C17orf67: variants seen among roughly 807,000 people sequenced by gnomAD.
The protein encoded by C17orf67 is uncharacterized protein C17orf67.
Under a neutral mutation model 11.2 loss-of-function variants are expected in C17orf67, and 12 were observed. The ratio of observed to expected loss-of-function variants is 1.07; its 90% CI spans 0.68 to 1.73. The LOEUF is 1.73. C17orf67 is among the 40% of genes most tolerant of loss of function. C17orf67 has a pLI of 0.00. For synonymous variants in C17orf67, 59 were observed against 46.9 expected (o/e 1.26, Z -1.05); for missense variants, 115 against 113.5 (o/e 1.01, Z -0.06).
intron 5 of C17orf67, 27 bp downstream of exon 5, chr17:56,815,729 T>C (rs371800224): frequency 1.8e-5 from 29 of 1,577,240 alleles, no homozygotes; most frequent in African/African-American, 1.7e-4. Context: ...AGCATAGAAA[T>C]AGGCTGTTTT....
chr17:56,832,198 G>A (rs766277696), intron 2 of C17orf67, among the ~76,000 whole-genome samples: 9 of 152,004 alleles, frequency 5.9e-5, no homozygotes, highest in East Asian at 1.9e-4. Context: ...CACCTGCCTC[G>A]GCCTCCCAAA....
intron 4 of C17orf67, among the ~76,000 whole-genome samples, chr17:56,822,039 G>C (rs1905916500): frequency 6.6e-6 from 1 of 152,202 alleles, no homozygotes; most frequent in Admixed American, 6.5e-5. Context: ...CAGATCTGTA[G>C]CTTAAAAGAG....
At chr17:56,817,946 T>G (rs1318476419) in intron 4 of C17orf67, among the ~76,000 whole-genome samples, 2 of 151,792 alleles carry the variant, frequency 1.3e-5, no homozygotes, top group Admixed American at 1.3e-4. Flanking sequence ...CAGGCTTAAG[T>G]GATCTTCCTA....
At chr17:56,820,471 A>G (rs1030147702) in intron 4 of C17orf67, among the ~76,000 whole-genome samples, 10 of 152,140 alleles carry the variant, frequency 6.6e-5, no homozygotes, top group Non-Finnish European at 1.3e-4. Flanking sequence ...GGGACAATTC[A>G]GACACACCAA....
chr17:56,825,927 A>G (rs560312837), intron 2 of C17orf67, among the ~76,000 whole-genome samples: 2 of 147,244 alleles, frequency 1.4e-5, no homozygotes, highest in Non-Finnish European at 3.0e-5. Flanking sequence ...TATAATGGGG[A>G]TTGGGGGAAA....
chr17:56,830,975 T>C (rs1230288016), intron 2 of C17orf67, among the ~76,000 whole-genome samples: 1 of 152,194 alleles, frequency 6.6e-6, no homozygotes, highest in East Asian at 1.9e-4. Flanking sequence ...GTGAGGACCA[T>C]GCAGAGGCCA....
intron 6 of C17orf67, among the ~76,000 whole-genome samples, chr17:56,814,405 A>G (rs1905704053): frequency 6.6e-6 from 1 of 152,216 alleles, no homozygotes; most frequent in African/African-American, 2.4e-5. Context: ...AAGTAAGGCC[A>G]GAGACCAAAA....
intron 7 of C17orf67, among the ~76,000 whole-genome samples, chr17:56,793,070 A>G (rs898171041): frequency 8.6e-5 from 13 of 151,892 alleles, no homozygotes; most frequent in Non-Finnish European, 1.9e-4. Flanking sequence ...ACTAAGGAAG[A>G]GGACGAGTAG....
chr17:56,818,223 C>A (rs1035181348), intron 4 of C17orf67, among the ~76,000 whole-genome samples: 67 of 151,360 alleles, frequency 4.4e-4, no homozygotes, highest in Non-Finnish European at 8.2e-4. Context: ...TGTGTATATT[C>A]AAATTTTTCA....
chr17:56,803,979 G>A (rs1483370895), intron 6 of C17orf67: 1 of 152,212 alleles, frequency 6.6e-6, no homozygotes, highest in Non-Finnish European at 1.5e-5. Context: ...TGCACTGGCT[G>A]AGTTAGAAAT....
At chr17:56,827,706 C>G (rs546187752) in intron 2 of C17orf67, among the ~76,000 whole-genome samples, 1 of 152,348 alleles carries the variant, frequency 6.6e-6, no homozygotes, top group African/African-American at 2.4e-5. Context: ...GGGGCTGCCG[C>G]CCCATGACCC....
intron 6 of C17orf67, among the ~76,000 whole-genome samples, chr17:56,807,687 T>C (rs895896065): frequency 1.3e-5 from 2 of 152,132 alleles, no homozygotes; most frequent in African/African-American, 4.8e-5. Context: ...AGCCTGATCT[T>C]CATTAATTTC....
rs1258817883 is a variant in C17orf67, at chr17:56,815,885, C to T, written c.-75G>A. The stretch of plus-strand genomic sequence containing the variant: ...TCAGCCAACTTGAAGGAAGCCATGC[C>T]AGGCCCTGCGCTTGTTTATGCTTTG... On this transcript the variant is annotated 5_prime_UTR_variant, in exon 5 of 8. It introduces an in-frame stop codon into an upstream open reading frame of the 5' UTR. Coordinates refer to ENST00000397861, the MANE Select transcript of C17orf67 (RefSeq NM_001085430.4). The T allele has an allele frequency of 1.2e-6, 2 of 1,607,010 alleles. No homozygotes were observed. Among genetic ancestry groups the T allele is most frequent in the Non-Finnish European group, 8.5e-7 (1 of 1,176,070 alleles).
chr17:56,820,336 T>C (rs926460554), intron 4 of C17orf67, among the ~76,000 whole-genome samples: 2 of 152,202 alleles, frequency 1.3e-5, no homozygotes, highest in Non-Finnish European at 2.9e-5. Context: ...CTTATTCTAG[T>C]TCAGGGCCGT....
chr17:56,818,849 C>T (rs1905827833), intron 4 of C17orf67, among the ~76,000 whole-genome samples: 1 of 152,080 alleles, frequency 6.6e-6, no homozygotes. Flanking sequence ...CTAGTGCTAC[C>T]ATATTAGACA....
intron 2 of C17orf67, among the ~76,000 whole-genome samples, chr17:56,825,796 T>TA (rs1212614204): frequency 2.0e-4 from 30 of 152,100 alleles, no homozygotes; most frequent in Admixed American, 1.8e-3. Flanking sequence ...AAGTATGCAT[T>TA]AAAAAAAAGT....
chr17:56,811,573 G>A (rs751722411), intron 6 of C17orf67, among the ~76,000 whole-genome samples: 23 of 152,142 alleles, frequency 1.5e-4, no homozygotes, highest in Non-Finnish European at 2.8e-4. Context: ...TTGCAGAGCC[G>A]CAGTCCATTG....
chr17:56,800,229 C>T (rs1290502935), intron 6 of C17orf67, among the ~76,000 whole-genome samples: 2 of 152,068 alleles, frequency 1.3e-5, no homozygotes, highest in African/African-American at 2.4e-5. Flanking sequence ...TCACACCCGG[C>T]TAATTTTTTG....
chr17:56,801,603 A>G (rs532310847), intron 6 of C17orf67, among the ~76,000 whole-genome samples: 1 of 152,248 alleles, frequency 6.6e-6, no homozygotes, highest in Admixed American at 6.5e-5. Flanking sequence ...TCATCAAAAT[A>G]CACTCAGTGT....
Sources: allele counts gnomAD v4.1 joint callset (sites outside exome capture counted in the v4.1 genomes callset), GRCh38; gene constraint gnomAD v4.1.1; transcripts MANE v1.5; gene names NCBI Gene and HGNC (gene_info 2026-07-23, HGNC 2026-07-21).